Variants in ARID1B observed in about 807,000 individuals in gnomAD.
ARID1B encodes the protein AT-rich interaction domain 1B.
In ARID1B, 30 loss-of-function variants were observed where a neutral mutation model predicts 212.3. The observed-to-expected ratio is 0.14, with a 90% CI of 0.11 to 0.19. The LOEUF is 0.19. ARID1B is among the 10% of genes least tolerant of loss of function. The pLI is 1.00. For synonymous variants in ARID1B, 1,402 were observed against 1,301.7 expected (o/e 1.08, Z -1.66); for missense variants, 2,891 against 3,204.0 (o/e 0.90, Z 2.36).
At chr6:157,099,604 G>C (rs909425572) in intron 5 of ARID1B, among the ~76,000 whole-genome samples, 1 of 152,150 alleles carries the variant, frequency 6.6e-6, no homozygotes, top group African/African-American at 2.4e-5. Context: ...TTATAAGTTG[G>C]TCTTTAAGGG....
At chr6:156,885,695 A>G (rs576864992) in intron 2 of ARID1B, among the ~76,000 whole-genome samples, 17 of 152,312 alleles carry the variant, frequency 1.1e-4, no homozygotes, top group Non-Finnish European at 2.1e-4. Context: ...ATATGTTGAT[A>G]TTTCAAGTAC....
intron 2 of ARID1B, among the ~76,000 whole-genome samples, chr6:156,848,330 G>A (rs974272514): frequency 6.6e-6 from 1 of 152,218 alleles, no homozygotes; most frequent in African/African-American, 2.4e-5. Context: ...AACTGTTAGA[G>A]TAATTATAAC....
chr6:156,880,158 A>G (rs1171314417), intron 2 of ARID1B, among the ~76,000 whole-genome samples: 1 of 152,202 alleles, frequency 6.6e-6, no homozygotes, highest in Non-Finnish European at 1.5e-5. Context: ...AGAGGGAGAC[A>G]TCTTAGTGTG....
intron 5 of ARID1B, among the ~76,000 whole-genome samples, chr6:157,108,271 G>A (rs1308627621): frequency 2.0e-5 from 3 of 152,088 alleles, no homozygotes; most frequent in African/African-American, 7.2e-5. Context: ...TGGCTGTGGC[G>A]GTATTTTATG....
chr6:156,884,407 G>A (rs554950467), intron 2 of ARID1B, among the ~76,000 whole-genome samples: 11 of 152,016 alleles, frequency 7.2e-5, no homozygotes, highest in African/African-American at 2.7e-4. Flanking sequence ...TGAAACCATA[G>A]CTAAGTGATT....
At chr6:156,921,131 G>C (rs1458396507) in intron 3 of ARID1B, among the ~76,000 whole-genome samples, 2 of 152,104 alleles carry the variant, frequency 1.3e-5, no homozygotes, top group Non-Finnish European at 2.9e-5. Flanking sequence ...CCTTATGGAA[G>C]AGCAGTGGGG....
chr6:156,871,790 C>T, intron 2 of ARID1B: 2 of 1,008,886 alleles, frequency 2.0e-6, no homozygotes, highest in Admixed American at 2.1e-5. Flanking sequence ...GGGCCCATCC[C>T]TGTGCAGGTG....
intron 2 of ARID1B, among the ~76,000 whole-genome samples, chr6:156,844,340 T>C (rs1433918147): frequency 6.6e-6 from 1 of 152,232 alleles, no homozygotes; most frequent in Non-Finnish European, 1.5e-5. Context: ...ATTCCTACTC[T>C]GTCTGTGTAT....
intron 3 of ARID1B, among the ~76,000 whole-genome samples, chr6:156,912,397 T>G (rs1275964044): frequency 6.6e-6 from 1 of 152,102 alleles, no homozygotes; most frequent in African/African-American, 2.4e-5. Context: ...CAGCCCCATC[T>G]TATTAAACCT....
At chr6:156,887,235 C>T (rs1562460576) in intron 2 of ARID1B, among the ~76,000 whole-genome samples, 1 of 152,198 alleles carries the variant, frequency 6.6e-6, no homozygotes, top group Non-Finnish European at 1.5e-5. Context: ...CTCGGGAGAG[C>T]AGTGGGTGCC....
rs557540743 is a variant in ARID1B at position 156,914,158 on chromosome 6, C to T, written c.2136+12633C>T. The stretch of plus-strand genomic sequence containing the variant: ...CACTCCCGAACTGCCAGCGCCACCC[C>T]AGCCTGTGGTGCCCCCATTCCACTC... On this transcript the variant is annotated intron_variant, in intron 3 of 19. Transcript: ENST00000636930. Among the ~76,000 whole-genome samples, 264 of 148,062 alleles carry T rather than the reference C, an allele frequency of 1.8e-3. 2 individuals are homozygous for T. Among genetic ancestry groups the T allele is most frequent in the African/African-American group, 6.2e-3 (247 of 40,008 alleles).
intron 3 of ARID1B, among the ~76,000 whole-genome samples, chr6:156,934,003 C>T (rs139595094): frequency 6.6e-5 from 10 of 152,264 alleles, no homozygotes; most frequent in African/African-American, 2.2e-4. Flanking sequence ...AGGGGTGGGA[C>T]AGCAGAAGCT....
intron 4 of ARID1B, among the ~76,000 whole-genome samples, chr6:156,967,462 C>T (rs1794847079): frequency 6.6e-6 from 1 of 152,102 alleles, no homozygotes; most frequent in African/African-American, 2.4e-5. Flanking sequence ...TTTTTTCCTC[C>T]TGATGCTTTT....
chr6:157,154,192 T>C (rs1365035120), intron 8 of ARID1B, among the ~76,000 whole-genome samples: 1 of 152,218 alleles, frequency 6.6e-6, no homozygotes, highest in Non-Finnish European at 1.5e-5. Flanking sequence ...TCACTGAATT[T>C]ACAGAAGATC....
chr6:157,098,430 G>A (rs975474458), intron 5 of ARID1B, among the ~76,000 whole-genome samples: 1 of 152,180 alleles, frequency 6.6e-6, no homozygotes, highest in Non-Finnish European at 1.5e-5. Flanking sequence ...GGGTTTTCAC[G>A]TGGCCCAGTA....
chr6:157,151,722 A>G (rs1173993973), intron 8 of ARID1B: 1 of 152,220 alleles, frequency 6.6e-6, no homozygotes, highest in Non-Finnish European at 1.5e-5. Context: ...AGACTTAATC[A>G]TGTTTGGTAG....
At chr6:157,044,629 T>A (rs1189436327) in intron 4 of ARID1B, among the ~76,000 whole-genome samples, 1 of 152,228 alleles carries the variant, frequency 6.6e-6, no homozygotes, top group Non-Finnish European at 1.5e-5. Context: ...AGTCCATTTG[T>A]TTTTAGTCAT....
intron 5 of ARID1B, among the ~76,000 whole-genome samples, chr6:157,086,987 GTTAT>G (rs1002155334): frequency 3.3e-5 from 5 of 152,128 alleles, no homozygotes; most frequent in Admixed American, 6.5e-5. Flanking sequence ...TCTTGGACAC[GTTAT>G]TTAAAGTGTA....
At chr6:157,011,859 C>G (rs1460843328) in intron 4 of ARID1B, among the ~76,000 whole-genome samples, 1 of 152,182 alleles carries the variant, frequency 6.6e-6, no homozygotes, top group African/African-American at 2.4e-5. Flanking sequence ...CCGACAGATT[C>G]AGGAAGCATA....
Sources: allele counts gnomAD v4.1 joint callset (sites outside exome capture counted in the v4.1 genomes callset), GRCh38; gene constraint gnomAD v4.1.1; transcripts MANE v1.5; gene names NCBI Gene and HGNC (gene_info 2026-07-23, HGNC 2026-07-21).